The following GRID2 variants were observed in gnomAD, a reference collection of about 807,000 sequenced individuals.
The protein encoded by GRID2 is glutamate ionotropic receptor delta type subunit 2.
Under a neutral mutation model 114.8 loss-of-function variants are expected in GRID2, and 33 were observed. The observed-to-expected ratio is 0.29, with a 90% CI of 0.22 to 0.38. GRID2 has a LOEUF of 0.38. Among genes scored for constraint, GRID2 ranks in the 10% least tolerant of loss-of-function variants. The pLI, the probability that GRID2 is intolerant of heterozygous loss-of-function variation, is 1.00. For synonymous variants in GRID2, 505 were observed against 449.9 expected, an observed-to-expected ratio of 1.12 and a Z score of -1.55; for missense variants, 1,184 against 1,257.7, an observed-to-expected ratio of 0.94 and a Z score of 0.89.
At chr4:93,086,155 G>C (rs1730313013) in intron 3 of GRID2, among the ~76,000 whole-genome samples, 1 of 152,068 alleles carries the variant, frequency 6.6e-6, no homozygotes. Flanking sequence ...TTTGAAACAT[G>C]TGTTTTCTTA....
intron 1 of GRID2, among the ~76,000 whole-genome samples, chr4:92,339,354 C>T (rs533544909): frequency 5.3e-5 from 8 of 152,172 alleles, no homozygotes; most frequent in African/African-American, 1.4e-4. Context: ...TACTGTACTC[C>T]ATATATTGGT....
Position 93,772,604 on chromosome 4 carries a change from G to A in GRID2, c.*106G>A, listed in dbSNP as rs887698800. 2 of 777,118 alleles carry A rather than the reference G, an allele frequency of 2.6e-6. No individual in the cohort carries two copies. Among genetic ancestry groups the A allele is most frequent in the Non-Finnish European group, 4.0e-6 (2 of 494,444 alleles). The allele number at this position is 777,118 out of a possible 1,614,324, so 48.1% of individuals were successfully genotyped here. A position where few individuals can be genotyped will look rare whatever the true frequency, so the allele number is the denominator to read the frequency against. Reference sequence around the variant, plus strand: ...GATGTAACGTTTAAAAAAAAGATCAGGATTATTAGTAACAATTCTAGTTTT... The same window carrying A: ...GATGTAACGTTTAAAAAAAAGATCAAGATTATTAGTAACAATTCTAGTTTT... On this transcript the variant is annotated 3_prime_UTR_variant, in exon 16 of 16. Coordinates refer to ENST00000282020, the MANE Select transcript of GRID2 (RefSeq NM_001510.4).
chr4:92,691,405 G>T (rs1458465898), intron 2 of GRID2, among the ~76,000 whole-genome samples: 2 of 152,018 alleles, frequency 1.3e-5, no homozygotes, highest in Non-Finnish European at 2.9e-5. Context: ...TGGGCAAGGG[G>T]AACCTTAGGG....
chr4:92,480,831 C>T (rs1355043891), intron 1 of GRID2, among the ~76,000 whole-genome samples: 1 of 152,132 alleles, frequency 6.6e-6, no homozygotes, highest in Admixed American at 6.6e-5. Flanking sequence ...TTCCTTTGAG[C>T]TTTCTTCAAA....
intron 8 of GRID2, among the ~76,000 whole-genome samples, chr4:93,348,368 A>G (rs1466649651): frequency 6.6e-6 from 1 of 152,186 alleles, no homozygotes; most frequent in Non-Finnish European, 1.5e-5. Context: ...CTGAAAGTGA[A>G]ACATCAGTTT....
chr4:92,447,299 A>G (rs544143772), intron 1 of GRID2, among the ~76,000 whole-genome samples: 1 of 152,318 alleles, frequency 6.6e-6, no homozygotes, highest in African/African-American at 2.4e-5. Context: ...AAGACCCCTT[A>G]GAGGAAAAGG....
chr4:93,572,020 T>A (rs1735974724), intron 13 of GRID2, among the ~76,000 whole-genome samples: 2 of 152,154 alleles, frequency 1.3e-5, no homozygotes, highest in African/African-American at 4.8e-5. Context: ...GAATTAAACA[T>A]CAGAAGCAAA....
intron 2 of GRID2, among the ~76,000 whole-genome samples, chr4:92,708,596 G>A (rs1170082472): frequency 1.3e-5 from 2 of 152,112 alleles, no homozygotes; most frequent in Non-Finnish European, 2.9e-5. Context: ...TTTTGGAAAT[G>A]TGACAGATTA....
At chr4:93,733,709 C>T (rs1414891817) in intron 14 of GRID2, among the ~76,000 whole-genome samples, 1 of 152,000 alleles carries the variant, frequency 6.6e-6, no homozygotes, top group Non-Finnish European at 1.5e-5. Context: ...CAATCGTGAT[C>T]AAAAAGTAAC....
intron 1 of GRID2, among the ~76,000 whole-genome samples, chr4:93,793,299 C>T (rs1734732933): frequency 2.6e-5 from 4 of 152,182 alleles, no homozygotes; most frequent in Non-Finnish European, 5.9e-5. Flanking sequence ...CCACACCTAG[C>T]AGGCTTTGAA....
At chr4:92,396,467 T>A (rs772623374) in intron 1 of GRID2, among the ~76,000 whole-genome samples, 10 of 151,990 alleles carry the variant, frequency 6.6e-5, no homozygotes, top group Non-Finnish European at 1.3e-4. Flanking sequence ...GAATGACTTA[T>A]CATCATCATA....
intron 14 of GRID2, among the ~76,000 whole-genome samples, chr4:93,756,858 A>G (rs1360307723): frequency 1.3e-5 from 2 of 152,250 alleles, no homozygotes; most frequent in East Asian, 3.8e-4. Flanking sequence ...AATGAATAGG[A>G]TGAAATACAT....
intron 8 of GRID2, among the ~76,000 whole-genome samples, 197 bp downstream of exon 8, chr4:93,238,687 G>T (rs923576836): frequency 6.6e-6 from 1 of 151,548 alleles, no homozygotes. Context: ...TTCTATTTCC[G>T]ACTTAGAATA....
intron 2 of GRID2, among the ~76,000 whole-genome samples, chr4:92,869,498 G>A (rs1745121371): frequency 6.6e-6 from 1 of 152,122 alleles, no homozygotes; most frequent in African/African-American, 2.4e-5. Context: ...TTTGAAACAG[G>A]CAGAGATCTT....
At chr4:93,205,707 GT>G (rs1560984250) in intron 4 of GRID2, among the ~76,000 whole-genome samples, 1 of 152,018 alleles carries the variant, frequency 6.6e-6, no homozygotes, top group East Asian at 1.9e-4. Flanking sequence ...GGTATTTCTA[GT>G]TCTAGACCCC....
chr4:93,323,729 G>C (rs1167991042), intron 8 of GRID2, among the ~76,000 whole-genome samples: 2 of 152,074 alleles, frequency 1.3e-5, no homozygotes, highest in Non-Finnish European at 2.9e-5. Context: ...TCATTGAGCA[G>C]TGGTTTGTAG....
chr4:93,651,207 T>G (rs564883175), intron 14 of GRID2, among the ~76,000 whole-genome samples: 1 of 152,336 alleles, frequency 6.6e-6, no homozygotes, highest in Non-Finnish European at 1.5e-5. Flanking sequence ...ATCTTATCCC[T>G]CACAGCAAAC....
At chr4:93,309,053 A>G (rs997247446) in intron 8 of GRID2, among the ~76,000 whole-genome samples, 3 of 152,136 alleles carry the variant, frequency 2.0e-5, no homozygotes, top group Non-Finnish European at 2.9e-5. Context: ...TTACTTTTAC[A>G]TACTAAATAT....
At chr4:92,730,658 A>G (rs1429429446) in intron 2 of GRID2, among the ~76,000 whole-genome samples, 1 of 151,990 alleles carries the variant, frequency 6.6e-6, no homozygotes, top group African/African-American at 2.4e-5. Flanking sequence ...AGACTAAAAC[A>G]AGCCCAAAGT....
Sources: allele counts gnomAD v4.1 joint callset (sites outside exome capture counted in the v4.1 genomes callset), GRCh38; gene constraint gnomAD v4.1.1; transcripts MANE v1.5; gene names NCBI Gene and HGNC (gene_info 2026-07-23, HGNC 2026-07-21).